Variants in STXBP5L observed in about 807,000 individuals in gnomAD.
STXBP5L encodes syntaxin binding protein 5L.
Under a neutral mutation model 144.5 loss-of-function variants are expected in STXBP5L, and 65 were observed. The observed-to-expected ratio is 0.45, with a 90% CI of 0.37 to 0.55. The LOEUF (loss-of-function observed/expected upper bound fraction) is 0.55. STXBP5L is among the 20% of genes least tolerant of loss of function. The pLI, the probability that STXBP5L is intolerant of heterozygous loss-of-function variation, is 0.00. For synonymous variants in STXBP5L, 505 were observed against 469.6 expected, an observed-to-expected ratio of 1.08 and a Z score of -0.97; for missense variants, 1,298 against 1,405.5, an observed-to-expected ratio of 0.92 and a Z score of 1.22.
intron 20 of STXBP5L, among the ~76,000 whole-genome samples, chr3:121,336,361 G>A (rs1238590363): frequency 6.6e-6 from 1 of 152,092 alleles, no homozygotes; most frequent in Non-Finnish European, 1.5e-5. Context: ...GCTGGGAGCA[G>A]TGGTGCATGC....
chr3:121,104,891 G>A (rs554035425), intron 5 of STXBP5L, among the ~76,000 whole-genome samples: 1 of 152,052 alleles, frequency 6.6e-6, no homozygotes, highest in African/African-American at 2.4e-5. Context: ...ATGGGACTTA[G>A]TTAAACTAAA....
chr3:121,225,588 A>G (rs1007533607), intron 11 of STXBP5L, among the ~76,000 whole-genome samples: 1 of 152,128 alleles, frequency 6.6e-6, no homozygotes, highest in Non-Finnish European at 1.5e-5. Flanking sequence ...AGAGACTACC[A>G]CAAATGTGTT....
At chr3:121,090,068 C>T (rs1192805697) in intron 5 of STXBP5L, among the ~76,000 whole-genome samples, 1 of 152,078 alleles carries the variant, frequency 6.6e-6, no homozygotes, top group Non-Finnish European at 1.5e-5. Flanking sequence ...CTGCTAGTAA[C>T]TATTGCCTTT....
At chr3:121,191,830 G>C (rs193121531) in intron 9 of STXBP5L, among the ~76,000 whole-genome samples, 1 of 151,844 alleles carries the variant, frequency 6.6e-6, no homozygotes, top group East Asian at 1.9e-4. Flanking sequence ...CCATCACTCA[G>C]CAAATTATTG....
chr3:121,258,045 A>T (rs988232325), intron 17 of STXBP5L, among the ~76,000 whole-genome samples: 15 of 152,266 alleles, frequency 9.9e-5, no homozygotes, highest in African/African-American at 2.9e-4. Context: ...AGAAAAAAGG[A>T]TTTCTCTCAT....
chr3:121,299,140 T>TATC (rs2051785011), intron 19 of STXBP5L, among the ~76,000 whole-genome samples: 1 of 152,178 alleles, frequency 6.6e-6, no homozygotes, highest in South Asian at 2.1e-4. Flanking sequence ...ATTGAGGTAT[T>TATC]AAGTAGACAA....
At chr3:121,246,760 C>A (rs1577297037) in intron 14 of STXBP5L, among the ~76,000 whole-genome samples, 1 of 152,018 alleles carries the variant, frequency 6.6e-6, no homozygotes, top group South Asian at 2.1e-4. Flanking sequence ...CAAAAAGGAA[C>A]AAATTATTAA....
chr3:121,190,143 G>A (rs1281319719), intron 9 of STXBP5L, among the ~76,000 whole-genome samples: 3 of 152,062 alleles, frequency 2.0e-5, no homozygotes, highest in African/African-American at 7.2e-5. Flanking sequence ...ATAGTGGAGG[G>A]AAGGTCAGCG....
At chr3:121,072,657 G>T (rs1006060078) in intron 5 of STXBP5L, among the ~76,000 whole-genome samples, 2 of 152,170 alleles carry the variant, frequency 1.3e-5, no homozygotes, top group South Asian at 2.1e-4. Context: ...GCATGGTAAG[G>T]GTTTCCTTTT....
Position 121,152,483 on chromosome 3 carries a change from A to G in STXBP5L, c.676A>G (p.Ile226Val). 1.9e-6 allele frequency: 3 copies of G among 1,600,830 alleles called. No homozygotes were observed. Among genetic ancestry groups the G allele is most frequent in the Non-Finnish European group, 2.6e-6 (3 of 1,173,884 alleles). Residue 226 changes from isoleucine (I) to valine (V), a missense_variant, in exon 8 of 27, where the codon ATA becomes GTA. Physicochemically the swap from Ile to Val is conservative, Grantham distance 29. Coordinates refer to ENST00000471454, the MANE Select transcript of STXBP5L (RefSeq NM_001308330.2). ...TTGTTCTAATGTTTTCCAGCTGCTA[A>G]TAGGTTATGAAAATGGTACTGTAGT... ...DSPRDEGKLL[I>V]GYENGTVVFW...
chr3:121,190,624 G>A (rs1036224992), intron 9 of STXBP5L, among the ~76,000 whole-genome samples: 7 of 151,896 alleles, frequency 4.6e-5, no homozygotes, highest in Non-Finnish European at 8.8e-5. Flanking sequence ...TTCCCAGACG[G>A]GGCAGCCAGG....
intron 19 of STXBP5L, among the ~76,000 whole-genome samples, chr3:121,302,725 C>T (rs944778327): frequency 6.6e-5 from 10 of 152,166 alleles, no homozygotes; most frequent in African/African-American, 2.2e-4. Flanking sequence ...AAAATAATGC[C>T]ACCTGTCTAC....
At chr3:120,995,355 C>A (rs1047640561) in intron 3 of STXBP5L, among the ~76,000 whole-genome samples, 1 of 152,056 alleles carries the variant, frequency 6.6e-6, no homozygotes, top group Non-Finnish European at 1.5e-5. Context: ...CCTATGTCAA[C>A]CAGGCTGATC....
chr3:121,171,383 AG>A (rs2046711259), intron 9 of STXBP5L, among the ~76,000 whole-genome samples: 1 of 152,182 alleles, frequency 6.6e-6, no homozygotes, highest in Non-Finnish European at 1.5e-5. Flanking sequence ...AAAGAAATAA[AG>A]GGTATTCAAA....
intron 9 of STXBP5L, among the ~76,000 whole-genome samples, chr3:121,187,230 G>GA (rs1242250223): frequency 6.6e-6 from 1 of 152,092 alleles, no homozygotes; most frequent in African/African-American, 2.4e-5. Flanking sequence ...CATAAAAAAT[G>GA]ATGAGTTCAT....
At chr3:121,024,976 T>C (rs1215559128) in intron 3 of STXBP5L, among the ~76,000 whole-genome samples, 1 of 152,144 alleles carries the variant, frequency 6.6e-6, no homozygotes, top group Non-Finnish European at 1.5e-5. Flanking sequence ...TAACAGAATG[T>C]TAAAATGATA....
chr3:121,089,497 GT>G (rs2042671587), intron 5 of STXBP5L, among the ~76,000 whole-genome samples: 2 of 147,634 alleles, frequency 1.4e-5, no homozygotes, highest in African/African-American at 5.0e-5. Context: ...CATAGTTAAG[GT>G]GTTGTTTTTT....
chr3:120,987,953 A>G lies in STXBP5L; in HGVS notation c.287+32916A>G, dbSNP rs140796024. Among the ~76,000 whole-genome samples, 388 of 151,922 alleles carry G rather than the reference A, an allele frequency of 2.6e-3. 4 individuals carry two copies. Among genetic ancestry groups the G allele is most frequent in the African/African-American group, 8.7e-3 (362 of 41,534 alleles). On this transcript the variant is annotated intron_variant, in intron 3 of 26. Coordinates refer to ENST00000471454, the MANE Select transcript of STXBP5L (RefSeq NM_001308330.2). ...TGGAGATAATTTCATGAGAGATTTGATATTCCAAATTTAATTTACTTAGTA... is the reference window on the plus strand; with the variant it reads ...TGGAGATAATTTCATGAGAGATTTGGTATTCCAAATTTAATTTACTTAGTA...
At chr3:121,238,879 T>G (rs1169630685) in intron 12 of STXBP5L, 92 bp from the exon 13 acceptor site, 7 of 1,250,562 alleles carry the variant, frequency 5.6e-6, no homozygotes, top group Admixed American at 3.4e-5. Flanking sequence ...TTTATAGTGA[T>G]GTTTAGAGAC....
Sources: allele counts gnomAD v4.1 joint callset (sites outside exome capture counted in the v4.1 genomes callset), GRCh38; gene constraint gnomAD v4.1.1; transcripts MANE v1.5; gene names NCBI Gene and HGNC (gene_info 2026-07-23, HGNC 2026-07-21).